The following MKLN1 variants were observed in gnomAD, a reference collection of about 807,000 sequenced individuals.
The protein encoded by MKLN1 is muskelin.
Under a neutral mutation model 99.0 loss-of-function variants are expected in MKLN1, and 18 were observed. That is an observed-to-expected ratio of 0.18 (90% CI 0.13 to 0.27). The LOEUF (loss-of-function observed/expected upper bound fraction) is 0.27, where lower values mean the gene tolerates loss of function less well. Among genes scored for constraint, MKLN1 ranks in the 10% least tolerant of loss-of-function variants. The probability of loss-of-function intolerance (pLI) is 1.00; values close to 1 mark genes in which losing one functional copy is unlikely to be tolerated. For synonymous variants in MKLN1, 288 were observed against 293.2 expected, an observed-to-expected ratio of 0.98 and a Z score of 0.18; for missense variants, 621 against 875.9, an observed-to-expected ratio of 0.71 and a Z score of 3.67.
chr7:131,437,707 A>G, intron 9 of MKLN1, 78 bp from the exon 10 acceptor site: 1 of 1,144,206 alleles, frequency 8.7e-7, no homozygotes, highest in Non-Finnish European at 1.3e-6. Flanking sequence ...AATGACGTTT[A>G]ATTTTTCTAT....
intron 10 of MKLN1, among the ~76,000 whole-genome samples, chr7:131,442,473 G>A (rs935081544): frequency 6.6e-6 from 1 of 152,094 alleles, no homozygotes; most frequent in African/African-American, 2.4e-5. Context: ...CTTGAACCTG[G>A]GAGGCAGAGG....
At chr7:131,220,286 C>A (rs1797041991) in intron 3 of MKLN1, among the ~76,000 whole-genome samples, 1 of 152,196 alleles carries the variant, frequency 6.6e-6, no homozygotes, top group African/African-American at 2.4e-5. Flanking sequence ...CAACAGAATT[C>A]TCTTTCTCCC....
chr7:131,121,333 G>A (rs6467348), intron 1 of MKLN1, among the ~76,000 whole-genome samples: 150,754 of 152,274 alleles, frequency 0.99, 74,652 homozygotes, highest in Middle Eastern at 1. Flanking sequence ...GCCAAACCAT[G>A]TCAGCTTCCC....
intron 3 of MKLN1, among the ~76,000 whole-genome samples, chr7:131,292,866 C>T (rs761031091): frequency 3.9e-5 from 6 of 152,174 alleles, no homozygotes; most frequent in Non-Finnish European, 5.9e-5. Context: ...GCTCTCCAAA[C>T]GAGGGATTTG....
intron 3 of MKLN1, among the ~76,000 whole-genome samples, chr7:131,232,473 G>T (rs1797257291): frequency 6.6e-6 from 1 of 152,180 alleles, no homozygotes; most frequent in African/African-American, 2.4e-5. Flanking sequence ...ATTGGAATAA[G>T]CTTGGCAACC....
chr7:131,327,810 G>T (rs1798926781), upstream of MKLN1: 1 of 1,492,328 alleles, frequency 6.7e-7, no homozygotes, highest in Non-Finnish European at 8.8e-7. Context: ...GGCCGGGGAG[G>T]GCGGCGGCCC....
At chr7:131,228,672 C>A (rs2116469520) in intron 3 of MKLN1, among the ~76,000 whole-genome samples, 1 of 152,308 alleles carries the variant, frequency 6.6e-6, no homozygotes, top group South Asian at 2.1e-4. Context: ...ATAGTTACAT[C>A]TCATCCTTAC....
At chr7:131,291,854 C>T (rs11760361) in intron 3 of MKLN1, among the ~76,000 whole-genome samples, 66,622 of 150,738 alleles carry the variant, frequency 0.44, 16,144 homozygotes, top group Admixed American at 0.59. Flanking sequence ...CCTGTAATAA[C>T]GGCACTTTGG....
intron 1 of MKLN1, among the ~76,000 whole-genome samples, chr7:131,130,712 TTA>T (rs1795536731): frequency 6.6e-6 from 1 of 152,218 alleles, no homozygotes; most frequent in East Asian, 1.9e-4. Flanking sequence ...TGTTTTATTA[TTA>T]CATTTATTAC....
Position 131,495,055 on chromosome 7 carries a change from TTTTCTTG to T in MKLN1, c.*7329_*7335del, listed in dbSNP as rs1375887243. 1 of 152,192 alleles carries T rather than the reference TTTTCTTG, an allele frequency of 6.6e-6. No homozygotes were observed. Among genetic ancestry groups the T allele is most frequent in the Non-Finnish European group, 1.5e-5 (1 of 68,030 alleles). 9.4% of individuals were successfully genotyped at this position (152,192 alleles called of 1,614,324 possible). The stretch of plus-strand genomic sequence containing the variant: ...CAGGAAAGCGAAGATGAGGACCTCC[TTTTCTTG>T]TGTTGGTCTTGGGAACAAACAGTAT... On this transcript the variant is annotated 3_prime_UTR_variant, in exon 18 of 18. Coordinates refer to ENST00000352689, the MANE Select transcript of MKLN1 (RefSeq NM_013255.5).
In MKLN1 at chr7:131,448,580, A is replaced by G. The variant is rs943936452; in HGVS notation, c.1525+2677A>G. ...TGTCTAGTCTTTTTAAAACTTATTT[A>G]TTGTATAAAAGTTGATACAAGTTTG... On this transcript the variant is annotated intron_variant, in intron 12 of 17. Transcript: ENST00000352689. Among the ~76,000 whole-genome samples, 10 of 152,344 alleles carry G rather than the reference A, an allele frequency of 6.6e-5. No individual in the cohort carries two copies. The South Asian group carries it at 1.7e-3, about 25-fold the overall frequency.
intron 11 of MKLN1, among the ~76,000 whole-genome samples, chr7:131,444,747 GTA>G: frequency 9.7e-6 from 1 of 103,260 alleles, no homozygotes; most frequent in Non-Finnish European, 2.0e-5. Context: ...AGTAGTAGTA[GTA>G]GTAGTAGTAG....
At chr7:131,216,533 G>A (rs369573085) in intron 3 of MKLN1, among the ~76,000 whole-genome samples, 8 of 152,050 alleles carry the variant, frequency 5.3e-5, no homozygotes, top group African/African-American at 1.9e-4. Context: ...TTAGAGCTGA[G>A]CGAGTGCCTC....
chr7:131,111,645 T>C (rs1040550040), intron 1 of MKLN1, among the ~76,000 whole-genome samples: 1 of 151,966 alleles, frequency 6.6e-6, no homozygotes, highest in Non-Finnish European at 1.5e-5. Flanking sequence ...ATCCTTGAAA[T>C]GTAAAGCCTA....
intron 1 of MKLN1, among the ~76,000 whole-genome samples, chr7:131,141,077 C>T (rs532906958): frequency 6.6e-6 from 1 of 152,132 alleles, no homozygotes; most frequent in East Asian, 1.9e-4. Context: ...AGCCACTGTA[C>T]CTGGCCTACA....
chr7:131,250,354 TC>T (rs1797559206), intron 3 of MKLN1, among the ~76,000 whole-genome samples: 1 of 152,098 alleles, frequency 6.6e-6, no homozygotes, highest in African/African-American at 2.4e-5. Flanking sequence ...AGTTGGGGAC[TC>T]CCCCGGTGTC....
chr7:131,412,091 A>C (rs1794899647), intron 7 of MKLN1, among the ~76,000 whole-genome samples: 1 of 152,090 alleles, frequency 6.6e-6, no homozygotes, highest in Admixed American at 6.6e-5. Context: ...TGTCTCAAAA[A>C]ACAAAACAAT....
chr7:131,171,150 G>GTTAC (rs1435344000), intron 2 of MKLN1, among the ~76,000 whole-genome samples: 1 of 152,188 alleles, frequency 6.6e-6, no homozygotes, highest in African/African-American at 2.4e-5. Context: ...GGGTTACAGG[G>GTTAC]AGGAGGTCAT....
At chr7:131,319,927 G>C (rs1337668049) in intron 3 of MKLN1, among the ~76,000 whole-genome samples, 1 of 152,164 alleles carries the variant, frequency 6.6e-6, no homozygotes, top group East Asian at 1.9e-4. Context: ...AAGGAAATGA[G>C]AGGACTCAAA....
Sources: allele counts gnomAD v4.1 joint callset (sites outside exome capture counted in the v4.1 genomes callset), GRCh38; gene constraint gnomAD v4.1.1; transcripts MANE v1.5; gene names NCBI Gene and HGNC (gene_info 2026-07-23, HGNC 2026-07-21).